Variants in OR2M4 observed in about 807,000 individuals in gnomAD.
The protein encoded by OR2M4 is olfactory receptor family 2 subfamily M member 4.
A neutral mutation model predicts 13.7 loss-of-function variants in OR2M4; 8 were observed. The observed-to-expected ratio is 0.58, with a 90% CI of 0.34 to 1.05. The LOEUF is 1.05. OR2M4 is among the 50% of genes least tolerant of loss of function. The pLI is 0.02. For missense variants in OR2M4, 374 were observed against 381.6 expected, an observed-to-expected ratio of 0.98 and a Z score of 0.17; for synonymous variants, 152 against 141.3, an observed-to-expected ratio of 1.08 and a Z score of -0.53.
In OR2M4 at chr1:248,243,764, A is replaced by G. The variant is rs114741570; in HGVS notation, c.*3900A>G. ...TATCAGCAGAGTAAACAGACAATCT[A>G]CAGAATGGGAGAAGATATTAGCAAA... On this transcript the variant is annotated 3_prime_UTR_variant, in exon 2 of 2. Transcript: ENST00000641868. 9.5e-4 allele frequency: 145 copies of G among 152,340 alleles called. No individual in the cohort carries two copies. The highest frequency in any genetic ancestry group is 3.2e-3 in the African/African-American group (134 of 41,570). 9.4% of individuals were successfully genotyped at this position (152,340 alleles called of 1,614,324 possible). A position where few individuals can be genotyped will look rare whatever the true frequency, so the allele number is the denominator to read the frequency against.
Position 248,243,469 on chromosome 1 carries a change from T to C in OR2M4, c.*3605T>C, listed in dbSNP as rs1188378980. On this transcript the variant is annotated 3_prime_UTR_variant, in exon 2 of 2. Transcript: ENST00000641868. ...AGGAGGCCCCTCCAATTACTAGCAC[T>C]TCGCCTGCATTTCTTTTATTAGATG... 1 of 152,208 alleles carries C rather than the reference T, an allele frequency of 6.6e-6. No homozygotes were observed. Among genetic ancestry groups the C allele is most frequent in the African/African-American group, 2.4e-5 (1 of 41,436 alleles). 9.4% of individuals were successfully genotyped at this position (152,208 alleles called of 1,614,324 possible).
At position 248,238,765 on chromosome 1, in the gene OR2M4, A is replaced by G. The variant is rs942709936; in HGVS notation, c.-19-145A>G. ...TTGTAAAAGCAATGGACTAATCCAC[A>G]CAATTTACCATGACTAAAGGAAGGT... On this transcript the variant is annotated intron_variant, in intron 1 of 1. Coordinates refer to ENST00000641868, the MANE Select transcript of OR2M4 (RefSeq NM_017504.2). 1.0e-5 allele frequency: 6 copies of G among 586,790 alleles called. No homozygotes were observed. The African/African-American group carries it at 1.1e-4, about 11-fold the overall frequency. 36.3% of individuals were successfully genotyped at this position (586,790 alleles called of 1,614,324 possible).
chr1:248,235,271 C>T (rs1337130993), intron 1 of OR2M4, among the ~76,000 whole-genome samples: 1 of 152,146 alleles, frequency 6.6e-6, no homozygotes, highest in Non-Finnish European at 1.5e-5. Context: ...ACTCCTTTCC[C>T]CATTGCTTGT....
rs1378690491 is a variant in OR2M4 at position 248,239,207 on chromosome 1, T to G, written c.279T>G (p.Ser93=). 3 of 1,614,130 alleles carry G rather than the reference T, an allele frequency of 1.9e-6. No homozygotes were observed. Among genetic ancestry groups the G allele is most frequent in the Non-Finnish European group, 2.5e-6 (3 of 1,180,016 alleles). Residue 93 remains serine, a synonymous_variant, in exon 2 of 2, where the codon TCT becomes TCG. Coordinates refer to ENST00000641868, the MANE Select transcript of OR2M4 (RefSeq NM_017504.2). ...ACTTGTCTGGGAAGAAATCTATCTC[T>G]CTGGCAGGTTGTGGAACTCAGATAT... ...FSYLSGKKSI[S]LAGCGTQIFF... is the part of the protein sequence containing the mutation.
chr1:248,238,061 T>C (rs1666576035), intron 1 of OR2M4, among the ~76,000 whole-genome samples: 1 of 152,248 alleles, frequency 6.6e-6, no homozygotes, highest in South Asian at 2.1e-4. Flanking sequence ...ATGGTCACAC[T>C]AAATACCCTG....
Position 248,237,216 on chromosome 1 carries a change from G to A in OR2M4, c.-19-1694G>A, listed in dbSNP as rs111808725. On this transcript the variant is annotated intron_variant, in intron 1 of 1. Coordinates refer to ENST00000641868, the MANE Select transcript of OR2M4 (RefSeq NM_017504.2). ...GCACATCAAAAATATTATCTACCAC[G>A]ATCAAGTCAGCTTCATCCCTGGTTC... Among the ~76,000 whole-genome samples the A allele has an allele frequency of 4.2e-3, 633 of 152,142 alleles. 4 individuals carry two copies. The highest frequency in any genetic ancestry group is 0.015 in the African/African-American group (605 of 41,502).
At chr1:248,236,603 GA>G (rs1318719423) in intron 1 of OR2M4, among the ~76,000 whole-genome samples, 3 of 151,472 alleles carry the variant, frequency 2.0e-5, no homozygotes, top group East Asian at 3.9e-4. Context: ...AAAAAGCCTT[GA>G]AAAAAATTAA....
intron 1 of OR2M4, among the ~76,000 whole-genome samples, chr1:248,237,730 A>G (rs1666573070): frequency 6.6e-6 from 1 of 152,216 alleles, no homozygotes; most frequent in Non-Finnish European, 1.5e-5. Context: ...AATTAATAAG[A>G]GCTATTTATG....
intron 1 of OR2M4, among the ~76,000 whole-genome samples, chr1:248,234,282 T>A (rs930015949): frequency 1.3e-5 from 2 of 151,284 alleles, no homozygotes; most frequent in African/African-American, 2.5e-5. Context: ...GTCAAATATT[T>A]TTTTTTTTTA....
rs148059827 is a variant in OR2M4, at chr1:248,242,653, T to C, written c.*2789T>C. The stretch of plus-strand genomic sequence containing the variant: ...GCATTTCAATAGTCATGATAACAAA[T>C]AGAAGTGTGATTTACATTTTGTCAG... On this transcript the variant is annotated 3_prime_UTR_variant, in exon 2 of 2. Transcript: ENST00000641868. 290 of 152,224 alleles carry C rather than the reference T, an allele frequency of 1.9e-3. 2 individuals carry two copies. The highest frequency in any genetic ancestry group is 6.7e-3 in the African/African-American group (277 of 41,510). The allele number at this position is 152,224 out of a possible 1,614,324, so 9.4% of individuals were successfully genotyped here. A position where few individuals can be genotyped will look rare whatever the true frequency, so the allele number is the denominator to read the frequency against.
intron 1 of OR2M4, among the ~76,000 whole-genome samples, chr1:248,232,941 C>T (rs925403286): frequency 2.6e-5 from 4 of 152,076 alleles, no homozygotes; most frequent in Non-Finnish European, 5.9e-5. Context: ...GAGTTATTCT[C>T]TAGTTCAACA....
chr1:248,235,697 C>T lies in OR2M4; in HGVS notation c.-19-3213C>T, dbSNP rs1666550392. Reference sequence around the variant, plus strand: ...TCCTTGAGCAGTGGTTTGCAGTTCTCTTTGAAGGGGCCCTTCACATCCCTT... The same window carrying T: ...TCCTTGAGCAGTGGTTTGCAGTTCTTTTTGAAGGGGCCCTTCACATCCCTT... On this transcript the variant is annotated intron_variant, in intron 1 of 1. Transcript: ENST00000641868. Among the ~76,000 whole-genome samples the T allele has an allele frequency of 3.9e-5, 6 of 152,076 alleles. No homozygotes were observed. In the South Asian group the frequency reaches 1.2e-3, roughly 31 times the overall value.
rs1666636253 is a variant in OR2M4 at position 248,243,417 on chromosome 1, C to T, written c.*3553C>T. 1 of 152,112 alleles carries T rather than the reference C, an allele frequency of 6.6e-6. No individual in the cohort carries two copies. The highest frequency in any genetic ancestry group is 2.1e-4 in the South Asian group (1 of 4,820). The allele number at this position is 152,112 out of a possible 1,614,324, so 9.4% of individuals were successfully genotyped here. On this transcript the variant is annotated 3_prime_UTR_variant, in exon 2 of 2. Coordinates refer to ENST00000641868, the MANE Select transcript of OR2M4 (RefSeq NM_017504.2). ...CGGTGGGGGTTGAGAGAGATGCCTC[C>T]TTACCAGGACGACTCCTGAGCCTTG...
In OR2M4 at chr1:248,241,700, C is replaced by T. The variant is rs1666621067; in HGVS notation, c.*1836C>T. ...GGTTGGGAGTTCAAGGCCAGCCTGA[C>T]CAACATGGAGAAATTTCATCTCGAC... On this transcript the variant is annotated 3_prime_UTR_variant, in exon 2 of 2. Coordinates refer to ENST00000641868, the MANE Select transcript of OR2M4 (RefSeq NM_017504.2). 6.6e-6 allele frequency: 1 copy of T among 151,968 alleles called. No individual in the cohort carries two copies. The highest frequency in any genetic ancestry group is 2.4e-5 in the African/African-American group (1 of 41,354). 9.4% of individuals were successfully genotyped at this position (151,968 alleles called of 1,614,324 possible). A position where few individuals can be genotyped will look rare whatever the true frequency, so the allele number is the denominator to read the frequency against.
At chr1:248,233,953 G>A (rs2103021629) in intron 1 of OR2M4, among the ~76,000 whole-genome samples, 1 of 152,182 alleles carries the variant, frequency 6.6e-6, no homozygotes, top group South Asian at 2.1e-4. Flanking sequence ...TTCTTCCACT[G>A]TTATTGCCTG....
At chr1:248,235,791 G>A (rs1558260957) in intron 1 of OR2M4, among the ~76,000 whole-genome samples, 1 of 152,016 alleles carries the variant, frequency 6.6e-6, no homozygotes, top group Non-Finnish European at 1.5e-5. Flanking sequence ...TCATGAGTTG[G>A]CTCTCTGCTT....
chr1:248,238,903 T>A lies in OR2M4; in HGVS notation c.-19-7T>A. On this transcript the variant is annotated splice_polypyrimidine_tract_variant and splice_region_variant and intron_variant, in intron 1 of 1. Coordinates refer to ENST00000641868, the MANE Select transcript of OR2M4 (RefSeq NM_017504.2). ...AAATAAGCTTGTACCTTCTTTGGAATTCTCAGATAAGGCAAATTATCCAGG... is the reference window on the plus strand; with the variant it reads ...AAATAAGCTTGTACCTTCTTTGGAAATCTCAGATAAGGCAAATTATCCAGG... 1 of 1,497,466 alleles carries A rather than the reference T, an allele frequency of 6.7e-7. No homozygotes were observed. The highest frequency in any genetic ancestry group is 9.1e-7 in the Non-Finnish European group (1 of 1,103,988). 92.8% of individuals were successfully genotyped at this position (1,497,466 alleles called of 1,614,324 possible). A position where few individuals can be genotyped will look rare whatever the true frequency, so the allele number is the denominator to read the frequency against.
At chr1:248,235,343 T>C (rs1212876152) in intron 1 of OR2M4, among the ~76,000 whole-genome samples, 1 of 152,184 alleles carries the variant, frequency 6.6e-6, no homozygotes, top group Non-Finnish European at 1.5e-5. Flanking sequence ...CTGAGATCTC[T>C]ATTCTGTTCT....
Position 248,242,199 on chromosome 1 carries a change from A to C in OR2M4, c.*2335A>C, listed in dbSNP as rs1360059089. The stretch of plus-strand genomic sequence containing the variant: ...TCAATTAATTAAATTTTATAATACA[A>C]AACAGTGAATTTAATGACATATCTT... On this transcript the variant is annotated 3_prime_UTR_variant, in exon 2 of 2. Transcript: ENST00000641868. The C allele has an allele frequency of 1.3e-5, 2 of 152,184 alleles. No homozygotes were observed. Among genetic ancestry groups the C allele is most frequent in the Non-Finnish European group, 2.9e-5 (2 of 68,040 alleles). 9.4% of individuals were successfully genotyped at this position (152,184 alleles called of 1,614,324 possible). A position where few individuals can be genotyped will look rare whatever the true frequency, so the allele number is the denominator to read the frequency against.
Sources: allele counts gnomAD v4.1 joint callset (sites outside exome capture counted in the v4.1 genomes callset), GRCh38; gene constraint gnomAD v4.1.1; transcripts MANE v1.5; gene names NCBI Gene and HGNC (gene_info 2026-07-23, HGNC 2026-07-21).